Variants in DCLK1 observed in about 807,000 individuals in gnomAD.
The protein encoded by DCLK1 is doublecortin like kinase 1.
A neutral mutation model predicts 86.2 loss-of-function variants in DCLK1; 16 were observed. The ratio of observed to expected loss-of-function variants is 0.19; its 90% confidence interval spans 0.13 to 0.28. The LOEUF (loss-of-function observed/expected upper bound fraction) is 0.28, where lower values mean the gene tolerates loss of function less well. DCLK1 is among the 10% of genes least tolerant of loss of function. The pLI is 1.00. For missense variants in DCLK1, 590 were observed against 940.2 expected, an observed-to-expected ratio of 0.63 and a Z score of 4.87; for synonymous variants, 369 against 370.5, an observed-to-expected ratio of 1.00 and a Z score of 0.05.
At chr13:35,887,645 G>GA (rs1873357234) in intron 4 of DCLK1, among the ~76,000 whole-genome samples, 1 of 152,022 alleles carries the variant, frequency 6.6e-6, no homozygotes, top group Non-Finnish European at 1.5e-5. Flanking sequence ...CCTATTCTGT[G>GA]AAAAACCAAA....
In DCLK1 at chr13:35,982,433, G is replaced by GAGGGA. The variant is rs1566631727; in HGVS notation, c.724-34977_724-34976insTCCCT. Among the ~76,000 whole-genome samples the GAGGGA allele has an allele frequency of 2.6e-3, 57 of 21,706 alleles. 4 individuals are homozygous for GAGGGA. Among genetic ancestry groups the GAGGGA allele is most frequent in the African/African-American group, 6.2e-3 (42 of 6,766 alleles). 14.2% of individuals were successfully genotyped at this position (21,706 alleles called of 152,430 possible). A position where few individuals can be genotyped will look rare whatever the true frequency, so the allele number is the denominator to read the frequency against. ...GGGAGAGAGAGAGAGAGAGAGAGAG[G>GAGGGA]GGGAGGGAGGGAGGGAGGGAGGGAG... On this transcript the variant is annotated intron_variant, in intron 3 of 16. Transcript: ENST00000360631.
In DCLK1 at chr13:36,131,118, C is replaced by A; in HGVS notation, c.-24G>T. On this transcript the variant is annotated 5_prime_UTR_variant, in exon 1 of 17. Coordinates refer to ENST00000360631, the MANE Select transcript of DCLK1 (RefSeq NM_001330071.2). ...CAGGGAAGGCAAACCACGCACCGGT[C>A]CGCGGAGAGACGCCGCCGGGGGTCT... 1.3e-5 allele frequency: 2 copies of A among 151,306 alleles called. No homozygotes were observed. Among genetic ancestry groups the A allele is most frequent in the South Asian group, 3.7e-4 (2 of 5,346 alleles). 9.4% of individuals were successfully genotyped at this position (151,306 alleles called of 1,614,324 possible). A position where few individuals can be genotyped will look rare whatever the true frequency, so the allele number is the denominator to read the frequency against.
intron 4 of DCLK1, among the ~76,000 whole-genome samples, chr13:35,945,779 G>C (rs1449130600): frequency 2.0e-5 from 3 of 152,078 alleles, no homozygotes; most frequent in Non-Finnish European, 4.4e-5. Flanking sequence ...CACTATACTT[G>C]TGATATATTT....
rs371262430 is a variant in DCLK1, at chr13:36,066,952, T to A, written c.723+44917A>T. On this transcript the variant is annotated intron_variant, in intron 3 of 16. Coordinates refer to ENST00000360631, the MANE Select transcript of DCLK1 (RefSeq NM_001330071.2). The stretch of plus-strand genomic sequence containing the variant: ...TGGAGAAATAGGAACACTTTTACAC[T>A]GTTGGTGGGACTGTAAACTAGCTCA... 3.4e-5 allele frequency among the ~76,000 whole-genome samples: 5 copies of A among 148,634 alleles called. No individual in the cohort carries two copies. The South Asian group carries it at 1.1e-3, about 34-fold the overall frequency.
chr13:36,102,423 C>T (rs887251409), intron 3 of DCLK1, among the ~76,000 whole-genome samples: 3 of 152,128 alleles, frequency 2.0e-5, no homozygotes, highest in Non-Finnish European at 4.4e-5. Context: ...TGTCATTTAA[C>T]AAATTGTAAG....
chr13:35,879,886 A>G (rs1441737644), intron 4 of DCLK1, among the ~76,000 whole-genome samples: 1 of 152,080 alleles, frequency 6.6e-6, no homozygotes, highest in African/African-American at 2.4e-5. Flanking sequence ...ACTAGATGCC[A>G]GTAGCTTCCC....
At chr13:35,958,039 C>CCACCACCACTATAACCAT (rs1878126140) in intron 3 of DCLK1, among the ~76,000 whole-genome samples, 1 of 140,552 alleles carries the variant, frequency 7.1e-6, no homozygotes. Context: ...ACTACCACCA[C>CCACCACCACTATAACCAT]CACCACCATC....
chr13:35,802,331 CA>C (rs34124656), intron 15 of DCLK1, among the ~76,000 whole-genome samples: 1,220 of 97,430 alleles, frequency 0.013, 3 homozygotes, highest in Middle Eastern at 0.02. Flanking sequence ...GACCCTGTCT[CA>C]AAAAAAAAAA....
chr13:36,053,306 T>C (rs1883190459), intron 3 of DCLK1, among the ~76,000 whole-genome samples: 1 of 152,074 alleles, frequency 6.6e-6, no homozygotes, highest in Non-Finnish European at 1.5e-5. Context: ...GGCAGGTATG[T>C]ACCTTCATAA....
chr13:36,062,558 TG>T (rs1322893296), intron 3 of DCLK1, among the ~76,000 whole-genome samples: 1 of 152,204 alleles, frequency 6.6e-6, no homozygotes. Flanking sequence ...AACCTGTTGA[TG>T]GATCCTTAAA....
chr13:36,059,490 C>T (rs1352615733), intron 3 of DCLK1, among the ~76,000 whole-genome samples: 2 of 152,066 alleles, frequency 1.3e-5, no homozygotes, highest in African/African-American at 4.8e-5. Context: ...TTTGTCCCTC[C>T]AGAGACTATT....
In DCLK1 at chr13:35,958,141, C is replaced by CCAT. The variant is rs1878179167; in HGVS notation, c.724-10685_724-10684insATG. Among the ~76,000 whole-genome samples the CCAT allele has an allele frequency of 4.6e-4, 9 of 19,448 alleles. No individual in the cohort carries two copies. The East Asian group carries it at 5.5e-3, about 12-fold the overall frequency. 12.8% of individuals were successfully genotyped at this position (19,448 alleles called of 152,430 possible). On this transcript the variant is annotated intron_variant, in intron 3 of 16. Coordinates refer to ENST00000360631, the MANE Select transcript of DCLK1 (RefSeq NM_001330071.2). ...ACCACCACTACCACTACTATAACCACCACCACCACCACTATAACCATCACC... is the reference window on the plus strand; with the variant it reads ...ACCACCACTACCACTACTATAACCACCATCACCACCACCACTATAACCATCACC...
intron 14 of DCLK1, 134 bp from the exon 15 acceptor site, chr13:35,805,913 T>C (rs2087017815): frequency 3.2e-6 from 2 of 619,584 alleles, no homozygotes; most frequent in Middle Eastern, 4.2e-4. Flanking sequence ...TCAACTCCAC[T>C]TACCTGTGGC....
At chr13:36,028,411 G>T (rs1403684223) in intron 3 of DCLK1, among the ~76,000 whole-genome samples, 1 of 152,040 alleles carries the variant, frequency 6.6e-6, no homozygotes, top group Non-Finnish European at 1.5e-5. Context: ...TTCCCTTTGC[G>T]CCTTCACAGG....
intron 3 of DCLK1, among the ~76,000 whole-genome samples, chr13:36,088,626 G>A (rs1034649681): frequency 3.3e-5 from 5 of 152,192 alleles, no homozygotes; most frequent in Non-Finnish European, 2.9e-5. Flanking sequence ...AGGCAGCCTC[G>A]TGCCCCAGAA....
intron 4 of DCLK1, among the ~76,000 whole-genome samples, chr13:35,880,145 C>T (rs936026045): frequency 2.6e-5 from 4 of 152,196 alleles, no homozygotes; most frequent in African/African-American, 9.6e-5. Flanking sequence ...TCGGGCTTTA[C>T]ACTGTAGTGT....
rs139627568 is a variant in DCLK1 at position 35,892,945 on chromosome 13, C to T, written c.824-21605G>A. On this transcript the variant is annotated intron_variant, in intron 4 of 16. Coordinates refer to ENST00000360631, the MANE Select transcript of DCLK1 (RefSeq NM_001330071.2). ...GTATCCCAGAGGAAGAAAGAGGCAT[C>T]GCTGAAATATACCAAAAGATGGGCT... Among the ~76,000 whole-genome samples the T allele has an allele frequency of 8.1e-3, 1,233 of 152,278 alleles. 11 individuals carry two copies. The highest frequency in any genetic ancestry group is 0.013 in the Non-Finnish European group (873 of 68,016).
intron 2 of DCLK1, among the ~76,000 whole-genome samples, chr13:36,114,115 A>C (rs2138194282): frequency 6.6e-6 from 1 of 152,374 alleles, no homozygotes; most frequent in African/African-American, 2.4e-5. Flanking sequence ...TTCAACAAAA[A>C]CTTTAAAAAT....
rs2087127959 is a variant in DCLK1, at chr13:35,810,906, A to G, written c.1617T>C (p.Ile539=). Residue 539 remains isoleucine (I), a synonymous_variant, in exon 12 of 17, where the codon ATT becomes ATC. Coordinates refer to ENST00000360631, the MANE Select transcript of DCLK1 (RefSeq NM_001330071.2). The part of the protein sequence containing the change: ...LKLGDFGLAT[I]VDGPLYTVCG... ...AGACTGTGTACAGGGGGCCGTCTAC[A>G]ATGGTGGCCAGTCCAAAGTCACCCA... is the stretch of plus-strand genomic sequence containing the variant. The G allele has an allele frequency of 1.2e-6, 2 of 1,614,072 alleles. No homozygotes were observed. The highest frequency in any genetic ancestry group is 1.7e-6 in the Non-Finnish European group (2 of 1,179,938).
Sources: gnomAD v4.1 joint callset for allele counts (sites outside exome capture counted in the v4.1 genomes callset) on GRCh38, gnomAD v4.1.1 for gene constraint, MANE v1.5 for transcripts, NCBI Gene and HGNC (gene_info 2026-07-23, HGNC 2026-07-21) for gene names.